RPH3A: variants seen among roughly 807,000 people sequenced by gnomAD.
RPH3A encodes the protein rabphilin-3A.
A neutral mutation model predicts 102.2 loss-of-function variants in RPH3A; 48 were observed. The ratio of observed to expected loss-of-function variants is 0.47; its 90% confidence interval spans 0.37 to 0.60. The LOEUF (loss-of-function observed/expected upper bound fraction) is 0.60, where lower values mean the gene tolerates loss of function less well. RPH3A is among the 20% of genes least tolerant of loss of function. The pLI, the probability that RPH3A is intolerant of heterozygous loss-of-function variation, is 0.00. For missense variants in RPH3A, 781 were observed against 910.1 expected, an observed-to-expected ratio of 0.86 and a Z score of 1.83; for synonymous variants, 310 against 324.3, an observed-to-expected ratio of 0.96 and a Z score of 0.47.
At chr12:112,653,319 GAGAT>G (rs2039989362) in intron 1 of RPH3A, among the ~76,000 whole-genome samples, 1 of 149,480 alleles carries the variant, frequency 6.7e-6, no homozygotes, top group Admixed American at 6.7e-5. Flanking sequence ...GCAGTGAGCT[GAGAT>G]CATGCCACTG....
intron 1 of RPH3A, among the ~76,000 whole-genome samples, chr12:112,621,839 C>G (rs1278468408): frequency 1.3e-5 from 2 of 151,582 alleles, no homozygotes; most frequent in Admixed American, 6.6e-5. Context: ...CAGTGGTTCT[C>G]CCAGCATGCA....
At position 112,854,394 on chromosome 12, in the gene RPH3A, C is replaced by T. The variant is rs1447246014; in HGVS notation, c.230+6552C>T. ...GGACAACTCTTATTGGCATCATGTG[C>T]CAGCACTGTGCTCAGAGCTTTATGT... On this transcript the variant is annotated intron_variant, in intron 5 of 21. Transcript: ENST00000389385. 2.6e-5 allele frequency among the ~76,000 whole-genome samples: 4 copies of T among 152,232 alleles called. No homozygotes were observed. In the East Asian group the frequency reaches 7.7e-4, roughly 29 times the overall value.
At chr12:112,793,824 TGA>T (rs899943715) in intron 2 of RPH3A, among the ~76,000 whole-genome samples, 1 of 152,138 alleles carries the variant, frequency 6.6e-6, no homozygotes, top group Non-Finnish European at 1.5e-5. Context: ...CCTGCTGTAC[TGA>T]GTGTTAATCT....
At chr12:112,786,738 G>C (rs1328551520) in intron 1 of RPH3A, among the ~76,000 whole-genome samples, 1 of 152,132 alleles carries the variant, frequency 6.6e-6, no homozygotes, top group Non-Finnish European at 1.5e-5. Flanking sequence ...GATTCCTAAA[G>C]CCGATTTGCT....
At chr12:112,767,310 C>T (rs976523541) in intron 1 of RPH3A, among the ~76,000 whole-genome samples, 6 of 152,180 alleles carry the variant, frequency 3.9e-5, no homozygotes, top group Non-Finnish European at 7.3e-5. Context: ...TTGGCATCCT[C>T]TCCTACCCCT....
At chr12:112,644,578 A>C (rs2039913629) in intron 1 of RPH3A, among the ~76,000 whole-genome samples, 1 of 152,238 alleles carries the variant, frequency 6.6e-6, no homozygotes, top group African/African-American at 2.4e-5. Context: ...ATATGGTACA[A>C]CACCATCCAT....
At chr12:112,691,659 C>A (rs114722211) in intron 1 of RPH3A, among the ~76,000 whole-genome samples, 3 of 152,154 alleles carry the variant, frequency 2.0e-5, no homozygotes, top group African/African-American at 7.2e-5. Flanking sequence ...TTAGCCTTAG[C>A]GTCTTCACCT....
At chr12:112,583,077 G>A (rs1286320433) in intron 1 of RPH3A, among the ~76,000 whole-genome samples, 2 of 152,164 alleles carry the variant, frequency 1.3e-5, no homozygotes, top group African/African-American at 4.8e-5. Context: ...GTCAGAGGGA[G>A]GACAGTGGCT....
chr12:112,815,300 T>C (rs1377860585), intron 2 of RPH3A, among the ~76,000 whole-genome samples: 4 of 152,254 alleles, frequency 2.6e-5, no homozygotes, highest in Non-Finnish European at 5.9e-5. Context: ...GCTGCCATTA[T>C]GCAACCATTT....
chr12:112,858,062 C>T lies in RPH3A; in HGVS notation c.231-7352C>T, dbSNP rs142703898. Among the ~76,000 whole-genome samples the T allele has an allele frequency of 9.6e-3, 1,459 of 151,738 alleles. 28 individuals are homozygous for T. The highest frequency in any genetic ancestry group is 0.033 in the African/African-American group (1,374 of 41,356). ...GGTGGGAGGATTGCTTGATTGAGCC[C>T]GGGAATTCAAGACGAGCCTGAGCAA... On this transcript the variant is annotated intron_variant, in intron 5 of 21. Transcript: ENST00000389385.
intron 2 of RPH3A, among the ~76,000 whole-genome samples, chr12:112,824,478 G>C (rs900100471): frequency 2.6e-5 from 4 of 152,038 alleles, no homozygotes; most frequent in Non-Finnish European, 5.9e-5. Context: ...TGACTATTAG[G>C]GTGCCTCCCC....
chr12:112,662,639 T>C (rs760451882), intron 1 of RPH3A, among the ~76,000 whole-genome samples: 2 of 152,196 alleles, frequency 1.3e-5, no homozygotes, highest in Non-Finnish European at 2.9e-5. Flanking sequence ...TGCTGAATGC[T>C]ATATGGTTTC....
chr12:112,578,353 T>C (rs1221902119), intron 1 of RPH3A, among the ~76,000 whole-genome samples: 1 of 152,176 alleles, frequency 6.6e-6, no homozygotes, highest in Non-Finnish European at 1.5e-5. Context: ...CACCTTTTGC[T>C]AGGGGGCCAG....
intron 1 of RPH3A, among the ~76,000 whole-genome samples, chr12:112,719,286 C>T (rs1466167296): frequency 4.6e-5 from 7 of 152,110 alleles, no homozygotes; most frequent in Admixed American, 6.5e-5. Flanking sequence ...GGAAGTCAGA[C>T]AGGAATGAGA....
intron 1 of RPH3A, among the ~76,000 whole-genome samples, chr12:112,639,824 G>A (rs867016359): frequency 9.2e-5 from 14 of 152,098 alleles, no homozygotes; most frequent in South Asian, 2.1e-4. Context: ...AAAGTGTTCC[G>A]CATGACGTCT....
rs60392620 is a variant in RPH3A, at chr12:112,663,059, G to GGTGTGTGTGTGTGTGTGTGT, written c.-140+87750_-140+87769dup. ...CAGAGATGAGGATGGCTAAGTGATT[G>GGTGTGTGTGTGTGTGTGTGT]GTGTGTGTGTGTGTGTGTGTGTGTG... On this transcript the variant is annotated intron_variant, in intron 1 of 21. Transcript: ENST00000543106. 4.2e-3 allele frequency among the ~76,000 whole-genome samples: 593 copies of GGTGTGTGTGTGTGTGTGTGT among 141,212 alleles called. 6 individuals are homozygous for GGTGTGTGTGTGTGTGTGTGT. The highest frequency in any genetic ancestry group is 0.015 in the African/African-American group (559 of 36,670). 92.6% of individuals were successfully genotyped at this position (141,212 alleles called of 152,430 possible).
At chr12:112,805,014 G>T (rs148098491) in intron 2 of RPH3A, among the ~76,000 whole-genome samples, 3 of 151,900 alleles carry the variant, frequency 2.0e-5, no homozygotes, top group African/African-American at 7.3e-5. Context: ...AAATGTTGCC[G>T]ACCGAGTTTT....
intron 4 of RPH3A, among the ~76,000 whole-genome samples, 183 bp from the exon 5 acceptor site, chr12:112,847,513 A>G (rs1209065789): frequency 6.6e-6 from 1 of 152,232 alleles, no homozygotes; most frequent in Non-Finnish European, 1.5e-5. Flanking sequence ...CTAAGCACAT[A>G]GCAAAATAAA....
At chr12:112,793,741 AT>A (rs1478941612) in intron 2 of RPH3A, among the ~76,000 whole-genome samples, 2 of 152,172 alleles carry the variant, frequency 1.3e-5, no homozygotes, top group African/African-American at 4.8e-5. Flanking sequence ...TATGGGTGAT[AT>A]TTAAAGTATT....
Sources: allele counts gnomAD v4.1 joint callset (sites outside exome capture counted in the v4.1 genomes callset), GRCh38; gene constraint gnomAD v4.1.1; transcripts MANE v1.5; gene names NCBI Gene and HGNC (gene_info 2026-07-23, HGNC 2026-07-21).